DLGAP2: variants seen among roughly 807,000 people sequenced by gnomAD.
DLGAP2 encodes disks large-associated protein 2.
In DLGAP2, 26 loss-of-function variants were observed where a neutral mutation model predicts 100.3. That is an observed-to-expected ratio of 0.26 (90% CI 0.19 to 0.36). The LOEUF (loss-of-function observed/expected upper bound fraction) is 0.36, where lower values mean the gene tolerates loss of function less well. Among genes scored for constraint, DLGAP2 ranks in the 10% least tolerant of loss-of-function variants. DLGAP2 has a pLI of 1.00. For missense variants in DLGAP2, 1,858 were observed against 1,453.2 expected, an observed-to-expected ratio of 1.28 and a Z score of -4.53; for synonymous variants, 886 against 630.1, an observed-to-expected ratio of 1.41 and a Z score of -6.08.
chr8:757,027 C>T (rs959653319), intron 1 of DLGAP2, among the ~76,000 whole-genome samples: 1 of 152,188 alleles, frequency 6.6e-6, no homozygotes, highest in Non-Finnish European at 1.5e-5. Context: ...TGTTTCCGTG[C>T]AGTTCCCTGT....
chr8:1,206,474 C>G (rs894147895), intron 2 of DLGAP2, among the ~76,000 whole-genome samples: 5 of 151,230 alleles, frequency 3.3e-5, no homozygotes, highest in African/African-American at 4.9e-5. Context: ...TGGTTAATCT[C>G]CAGCCATCCG....
chr8:1,379,768 G>C (rs1370192048), intron 3 of DLGAP2: 2 of 152,490 alleles, frequency 1.3e-5, no homozygotes, highest in Non-Finnish European at 2.9e-5. Context: ...TTGTGCAGGG[G>C]CTGACAGAGA....
chr8:1,674,320 C>T (rs1798759774), intron 10 of DLGAP2, among the ~76,000 whole-genome samples: 1 of 152,232 alleles, frequency 6.6e-6, no homozygotes, highest in Non-Finnish European at 1.5e-5. Flanking sequence ...GCTGGGATTA[C>T]AGGCATGAGC....
intron 3 of DLGAP2, among the ~76,000 whole-genome samples, chr8:1,273,015 C>T (rs902102139): frequency 6.6e-6 from 1 of 152,186 alleles, no homozygotes; most frequent in Non-Finnish European, 1.5e-5. Flanking sequence ...GGGTCCACCT[C>T]TGCCTTGAAT....
chr8:1,508,110 A>G (rs1799997483), intron 4 of DLGAP2, among the ~76,000 whole-genome samples: 1 of 151,936 alleles, frequency 6.6e-6, no homozygotes, highest in Admixed American at 6.5e-5. Flanking sequence ...CCACACAAAC[A>G]CATCAGATAC....
At chr8:1,266,133 C>G (rs564148435) in intron 3 of DLGAP2, among the ~76,000 whole-genome samples, 26 of 152,354 alleles carry the variant, frequency 1.7e-4, no homozygotes, top group African/African-American at 6.0e-4. Flanking sequence ...CAGAGACGCT[C>G]TGAAAGGGAG....
At chr8:1,357,727 A>G (rs926950867) in intron 3 of DLGAP2, among the ~76,000 whole-genome samples, 3 of 152,156 alleles carry the variant, frequency 2.0e-5, no homozygotes, top group African/African-American at 7.2e-5. Flanking sequence ...GCAGCACCAC[A>G]CCAGAAGCCT....
At chr8:1,477,398 C>A (rs1429569387) in intron 3 of DLGAP2, among the ~76,000 whole-genome samples, 3 of 152,182 alleles carry the variant, frequency 2.0e-5, no homozygotes, top group Non-Finnish European at 4.4e-5. Context: ...CTGAAACCAG[C>A]CTCTCTCCCC....
chr8:1,208,827 C>G (rs566671625), intron 2 of DLGAP2, among the ~76,000 whole-genome samples: 4 of 151,824 alleles, frequency 2.6e-5, no homozygotes, highest in South Asian at 2.1e-4. Context: ...AGCTGAGAAT[C>G]AGATCAAGAA....
chr8:1,255,209 CCT>C (rs1419206487), intron 2 of DLGAP2, among the ~76,000 whole-genome samples: 2 of 86,686 alleles, frequency 2.3e-5, no homozygotes, highest in African/African-American at 6.7e-5. Context: ...GTGTGTGTGC[CCT>C]CTCATCCTGC....
intron 3 of DLGAP2, among the ~76,000 whole-genome samples, chr8:1,277,585 C>G (rs76630983): frequency 8.3e-4 from 126 of 152,296 alleles, no homozygotes; most frequent in African/African-American, 3.0e-3. Flanking sequence ...ATGAGTATCC[C>G]AGTATCAGCC....
At chr8:1,387,049 A>T (rs1425948297) in intron 3 of DLGAP2, among the ~76,000 whole-genome samples, 1 of 152,214 alleles carries the variant, frequency 6.6e-6, no homozygotes, top group Non-Finnish European at 1.5e-5. Flanking sequence ...TAAGCCAGAA[A>T]AGAGGGGAAC....
intron 3 of DLGAP2, among the ~76,000 whole-genome samples, chr8:1,424,275 C>T (rs1273732197): frequency 6.6e-6 from 1 of 152,184 alleles, no homozygotes; most frequent in Admixed American, 6.5e-5. Context: ...CTGTAGTCTG[C>T]ATCTAACTCT....
chr8:1,503,051 C>T lies in DLGAP2; in HGVS notation c.172+1620C>T, dbSNP rs1799779558. Reference sequence around the variant, plus strand: ...GTTGAGAGTTTGTTTGTTCTGCAGCCACACAAGTGAGCATCGAGGGATGAG... The same window carrying T: ...GTTGAGAGTTTGTTTGTTCTGCAGCTACACAAGTGAGCATCGAGGGATGAG... On this transcript the variant is annotated intron_variant, in intron 4 of 14. Transcript: ENST00000637795. Among the ~76,000 whole-genome samples, 3 of 152,264 alleles carry T rather than the reference C, an allele frequency of 2.0e-5. No homozygotes were observed. In the South Asian group the frequency reaches 6.2e-4, roughly 32 times the overall value.
chr8:1,554,422 C>T (rs571531524), intron 5 of DLGAP2, among the ~76,000 whole-genome samples: 11 of 152,286 alleles, frequency 7.2e-5, no homozygotes, highest in African/African-American at 2.4e-4. Context: ...GGTGTGGTGG[C>T]CTGGGACAGC....
chr8:1,315,805 A>G (rs71516169), intron 3 of DLGAP2, among the ~76,000 whole-genome samples: 7,820 of 35,318 alleles, frequency 0.22, 174 homozygotes, highest in East Asian at 0.36. Context: ...TCTCTCCAAC[A>G]GTGGTCTACA....
At chr8:851,060 C>T (rs1356284509) in intron 1 of DLGAP2, among the ~76,000 whole-genome samples, 1 of 152,188 alleles carries the variant, frequency 6.6e-6, no homozygotes, top group East Asian at 1.9e-4. Flanking sequence ...ATCAAAACAA[C>T]ATGTTTTTAA....
intron 2 of DLGAP2, among the ~76,000 whole-genome samples, chr8:1,159,859 G>C (rs1199744772): frequency 6.6e-6 from 1 of 152,210 alleles, no homozygotes. Context: ...AGGGGTGTCT[G>C]TCTACAGGCC....
intron 6 of DLGAP2, among the ~76,000 whole-genome samples, chr8:1,584,841 C>T (rs1452190303): frequency 7.2e-5 from 11 of 152,188 alleles, no homozygotes; most frequent in Non-Finnish European, 5.9e-5. Context: ...TCTTACCTTA[C>T]ATCTCTTCAT....
Sources: gnomAD v4.1 joint callset for allele counts (sites outside exome capture counted in the v4.1 genomes callset) on GRCh38, gnomAD v4.1.1 for gene constraint, MANE v1.5 for transcripts, NCBI Gene and HGNC (gene_info 2026-07-23, HGNC 2026-07-21) for gene names.